Variants in PLEKHH2 observed in about 807,000 individuals in gnomAD.
The protein encoded by PLEKHH2 is pleckstrin homology domain-containing family H member 2.
In PLEKHH2, 129 loss-of-function variants were observed where a neutral mutation model predicts 187.9. The ratio of observed to expected loss-of-function variants is 0.69; its 90% CI spans 0.59 to 0.79. PLEKHH2 has a LOEUF of 0.79. PLEKHH2 is among the 30% of genes least tolerant of loss of function. PLEKHH2 has a pLI of 0.00. For synonymous variants in PLEKHH2, 686 were observed against 605.6 expected (o/e 1.13, Z -1.95); for missense variants, 2,076 against 1,751.2 (o/e 1.19, Z -3.31).
At chr2:43,723,495 G>C (rs72790990) in intron 16 of PLEKHH2, among the ~76,000 whole-genome samples, 26,837 of 151,952 alleles carry the variant, frequency 0.18, 2,812 homozygotes, top group Middle Eastern at 0.29. Context: ...ATAAGATTAA[G>C]TTTAACAAGG....
intron 4 of PLEKHH2, among the ~76,000 whole-genome samples, chr2:43,693,742 G>GAAAAAAAAAAAAAAAA (rs1304124515): frequency 1.0e-5 from 1 of 99,178 alleles, no homozygotes; most frequent in African/African-American, 4.4e-5. Flanking sequence ...AAAAAAAAAG[G>GAAAAAAAAAAAAAAAA]AAAAAATTGC....
At position 43,687,986 on chromosome 2, in the gene PLEKHH2, A is replaced by G. The variant is rs180995528; in HGVS notation, c.187-4528A>G. Among the ~76,000 whole-genome samples the G allele has an allele frequency of 2.1e-4, 32 of 152,066 alleles. No individual in the cohort carries two copies. The East Asian group carries it at 5.8e-3, about 28-fold the overall frequency. On this transcript the variant is annotated intron_variant, in intron 3 of 29. Coordinates refer to ENST00000282406, the MANE Select transcript of PLEKHH2 (RefSeq NM_172069.4). ...TAATATTTTAGAATTTTTTTTGTAG[A>G]GATGCGTTCCCACTCTTTTGCCCAG...
chr2:43,700,669 C>G (rs1249128174), intron 8 of PLEKHH2, 61 bp downstream of exon 8: 18 of 1,520,028 alleles, frequency 1.2e-5, no homozygotes, highest in Non-Finnish European at 1.6e-5. Flanking sequence ...CTTTTTTTTT[C>G]TGGGAGGGAG....
chr2:43,674,898 T>C (rs1346276191), intron 2 of PLEKHH2, among the ~76,000 whole-genome samples: 2 of 151,004 alleles, frequency 1.3e-5, no homozygotes, highest in African/African-American at 4.9e-5. Flanking sequence ...GATAGGAGAA[T>C]CACTTGAACC....
chr2:43,712,454 A>T, intron 15 of PLEKHH2, 71 bp downstream of exon 15: 6 of 1,496,502 alleles, frequency 4.0e-6, no homozygotes, highest in South Asian at 1.2e-5. Context: ...TGAAAATGGG[A>T]TGTCAGAGCA....
intron 16 of PLEKHH2, 99 bp from the exon 17 acceptor site, chr2:43,726,173 G>T: frequency 1.2e-6 from 1 of 804,330 alleles, no homozygotes; most frequent in Non-Finnish European, 1.9e-6. Flanking sequence ...ATTTTTAAAG[G>T]TATGCTTTAT....
intron 2 of PLEKHH2, among the ~76,000 whole-genome samples, chr2:43,653,826 A>AG (rs1440912229): frequency 1.3e-5 from 2 of 150,964 alleles, no homozygotes; most frequent in African/African-American, 5.0e-5. Context: ...ATTTAACTCT[A>AG]GGAAAAAAAA....
chr2:43,710,859 T>A, intron 14 of PLEKHH2: 5 of 1,166,792 alleles, frequency 4.3e-6, no homozygotes, highest in Non-Finnish European at 5.3e-6. Flanking sequence ...TGTCCAACTG[T>A]GAAGCTATTT....
intron 23 of PLEKHH2, chr2:43,744,196 T>C: frequency 9.0e-7 from 1 of 1,111,194 alleles, no homozygotes; most frequent in Non-Finnish European, 1.2e-6. Flanking sequence ...ACACATTCCA[T>C]ATTAAAGAGA....
chr2:43,693,442 G>A (rs915225205), intron 4 of PLEKHH2, among the ~76,000 whole-genome samples: 10 of 152,092 alleles, frequency 6.6e-5, no homozygotes, highest in African/African-American at 2.4e-4. Flanking sequence ...AAGTAATCTA[G>A]TTTAAAAAAT....
At chr2:43,703,224 C>G (rs1669476575) in intron 8 of PLEKHH2, among the ~76,000 whole-genome samples, 1 of 152,188 alleles carries the variant, frequency 6.6e-6, no homozygotes, top group South Asian at 2.1e-4. Flanking sequence ...TTATTAAATT[C>G]AGGACATGTT....
chr2:43,727,591 A>G (rs1296300280), intron 17 of PLEKHH2, among the ~76,000 whole-genome samples: 2 of 152,200 alleles, frequency 1.3e-5, no homozygotes, highest in Admixed American at 1.3e-4. Flanking sequence ...TAACATATAA[A>G]CAACTCTTTA....
chr2:43,720,827 T>G, intron 16 of PLEKHH2, 78 bp downstream of exon 16: 1 of 1,506,672 alleles, frequency 6.6e-7, no homozygotes, highest in Non-Finnish European at 8.8e-7. Context: ...TTCTCTCTTC[T>G]CTTACTTTGT....
At chr2:43,640,883 C>T (rs1409354628) in intron 1 of PLEKHH2, among the ~76,000 whole-genome samples, 1 of 151,044 alleles carries the variant, frequency 6.6e-6, no homozygotes, top group African/African-American at 2.4e-5. Flanking sequence ...CTCCTGGGCT[C>T]AAGTGATCTT....
intron 26 of PLEKHH2, among the ~76,000 whole-genome samples, chr2:43,758,535 G>A (rs1203086830): frequency 6.6e-6 from 1 of 152,198 alleles, no homozygotes; most frequent in Non-Finnish European, 1.5e-5. Flanking sequence ...TTACAGGCGT[G>A]AGCCACTGCA....
At chr2:43,652,921 T>C (rs1294730009) in intron 2 of PLEKHH2, among the ~76,000 whole-genome samples, 1 of 152,006 alleles carries the variant, frequency 6.6e-6, no homozygotes, top group African/African-American at 2.4e-5. Context: ...AGAGAATAAA[T>C]AAGAGCTCTT....
At chr2:43,721,835 G>A (rs1018648813) in intron 16 of PLEKHH2, among the ~76,000 whole-genome samples, 5 of 152,152 alleles carry the variant, frequency 3.3e-5, no homozygotes. Context: ...ACAGTGAGCT[G>A]TGATTCGCAC....
chr2:43,719,749 AC>A lies in PLEKHH2; in HGVS notation c.2461-919del, dbSNP rs145922008. On this transcript the variant is annotated intron_variant, in intron 15 of 29. Transcript: ENST00000282406. Reference sequence around the variant, plus strand: ...CACCGCGCACAGCCTTCATCTTCTCACTTCTAATGTTAGAGTGTTAACCTAG... The same window carrying A: ...CACCGCGCACAGCCTTCATCTTCTCATTCTAATGTTAGAGTGTTAACCTAG... 4.9e-3 allele frequency among the ~76,000 whole-genome samples: 750 copies of A among 152,272 alleles called. 1 individual carries two copies. Among genetic ancestry groups the A allele is most frequent in the Non-Finnish European group, 8.8e-3 (596 of 68,016 alleles).
intron 24 of PLEKHH2, among the ~76,000 whole-genome samples, chr2:43,750,300 C>T (rs1250856078): frequency 2.0e-5 from 3 of 152,102 alleles, no homozygotes; most frequent in African/African-American, 2.4e-5. Flanking sequence ...GGTGAAACCC[C>T]GTCTCTACTA....
Sources: allele counts gnomAD v4.1 joint callset (sites outside exome capture counted in the v4.1 genomes callset), GRCh38; gene constraint gnomAD v4.1.1; transcripts MANE v1.5; gene names NCBI Gene and HGNC (gene_info 2026-07-23, HGNC 2026-07-21).